The following NRF1 variants were observed in gnomAD, a reference collection of about 807,000 sequenced individuals.
The protein encoded by NRF1 is nuclear respiratory factor 1.
In NRF1, 5 loss-of-function variants were observed where a neutral mutation model predicts 58.5. The ratio of observed to expected loss-of-function variants is 0.09; its 90% CI spans 0.04 to 0.18. The LOEUF (loss-of-function observed/expected upper bound fraction) is 0.18, where lower values mean the gene tolerates loss of function less well. Ranked by LOEUF, NRF1 falls within the 10% of genes least tolerant of loss-of-function variation. The pLI is 1.00. For synonymous variants in NRF1, 224 were observed against 246.7 expected (o/e 0.91, Z 0.86); for missense variants, 288 against 657.7 (o/e 0.44, Z 6.15).
intron 1 of NRF1, among the ~76,000 whole-genome samples, chr7:129,655,562 C>A (rs1158463764): frequency 6.6e-6 from 1 of 151,644 alleles, no homozygotes; most frequent in Non-Finnish European, 1.5e-5. Context: ...TGCTGTGTCA[C>A]CCAGGCTGGA....
At chr7:129,746,240 C>T (rs1209043172) in intron 10 of NRF1, among the ~76,000 whole-genome samples, 1 of 152,252 alleles carries the variant, frequency 6.6e-6, no homozygotes, top group Non-Finnish European at 1.5e-5. Context: ...AACAGAACCA[C>T]TGGGAAAGAA....
chr7:129,754,213 C>G (rs1804191645), intron 10 of NRF1, among the ~76,000 whole-genome samples: 1 of 151,796 alleles, frequency 6.6e-6, no homozygotes, highest in East Asian at 1.9e-4. Flanking sequence ...GTAATCCCAG[C>G]TATTCAGGAG....
In NRF1 at chr7:129,648,313, T is replaced by C. The variant is rs1310025029; in HGVS notation, c.-6-9033T>C. On this transcript the variant is annotated intron_variant, in intron 1 of 10. Coordinates refer to ENST00000393232, the MANE Select transcript of NRF1 (RefSeq NM_005011.5). ...TTTTTTTTTTGAGAAGGAGTCTCGC[T>C]CTGTCGCCCAGGCTGGAGTGCAGTG... 1.3e-4 allele frequency among the ~76,000 whole-genome samples: 19 copies of C among 142,448 alleles called. 1 individual carries two copies. In the Admixed American group the frequency reaches 1.4e-3, roughly 11 times the overall value. 93.5% of individuals were successfully genotyped at this position (142,448 alleles called of 152,430 possible). A position where few individuals can be genotyped will look rare whatever the true frequency, so the allele number is the denominator to read the frequency against.
chr7:129,622,673 G>A (rs529132609), intron 1 of NRF1, among the ~76,000 whole-genome samples: 4 of 151,190 alleles, frequency 2.6e-5, no homozygotes, highest in African/African-American at 4.9e-5. Flanking sequence ...AGGTTCAAGC[G>A]ATTCTGCCAC....
chr7:129,641,092 T>C (rs1430497122), intron 1 of NRF1, among the ~76,000 whole-genome samples: 2 of 152,214 alleles, frequency 1.3e-5, no homozygotes, highest in Non-Finnish European at 2.9e-5. Flanking sequence ...GAGACAGCCT[T>C]TAAAAACTTT....
intron 5 of NRF1, among the ~76,000 whole-genome samples, chr7:129,702,227 G>A (rs1157378143): frequency 6.6e-6 from 1 of 152,124 alleles, no homozygotes; most frequent in East Asian, 1.9e-4. Context: ...CTCCTTCAAA[G>A]AGAAGGTAGG....
At chr7:129,677,135 C>G (rs1299244338) in intron 3 of NRF1, among the ~76,000 whole-genome samples, 1 of 151,552 alleles carries the variant, frequency 6.6e-6, no homozygotes, top group African/African-American at 2.4e-5. Context: ...CTCAGCCTCC[C>G]AAGAATCTAG....
intron 10 of NRF1, chr7:129,735,014 C>G (rs537414331): frequency 1.0e-6 from 1 of 976,432 alleles, no homozygotes. Flanking sequence ...TTGCCTGGAG[C>G]GAGTTTATTG....
chr7:129,613,692 A>T (rs1161925554), intron 1 of NRF1, among the ~76,000 whole-genome samples: 1 of 150,274 alleles, frequency 6.7e-6, no homozygotes, highest in Non-Finnish European at 1.5e-5. Context: ...TGAGGTCAGG[A>T]GTTCGAGACC....
chr7:129,727,211 TC>T (rs1293329408), intron 9 of NRF1, 29 bp from the exon 10 acceptor site: 1 of 1,555,370 alleles, frequency 6.4e-7, no homozygotes. Context: ...CCTCTATTCA[TC>T]ATCCTCTCTC....
At chr7:129,658,558 T>A (rs1301615571) in intron 2 of NRF1, among the ~76,000 whole-genome samples, 2 of 145,290 alleles carry the variant, frequency 1.4e-5, no homozygotes, top group African/African-American at 5.2e-5. Flanking sequence ...ACCACTGCAC[T>A]ACAGCGTGAG....
chr7:129,702,329 A>G (rs1245750687), intron 5 of NRF1, among the ~76,000 whole-genome samples: 1 of 152,186 alleles, frequency 6.6e-6, no homozygotes, highest in Non-Finnish European at 1.5e-5. Flanking sequence ...TTGAGAGAGG[A>G]GTCTAAATGA....
intron 2 of NRF1, among the ~76,000 whole-genome samples, chr7:129,659,670 A>G (rs1404454687): frequency 6.6e-6 from 1 of 152,072 alleles, no homozygotes. Flanking sequence ...GAATTCAGCT[A>G]TTTCATTCTA....
chr7:129,657,645 T>A lies in NRF1; in HGVS notation c.223+71T>A. The A allele has an allele frequency of 3.0e-6, 3 of 1,008,804 alleles. No homozygotes were observed. In the South Asian group the frequency reaches 4.9e-5, roughly 16 times the overall value. 62.5% of individuals were successfully genotyped at this position (1,008,804 alleles called of 1,614,324 possible). A position where few individuals can be genotyped will look rare whatever the true frequency, so the allele number is the denominator to read the frequency against. On this transcript the variant is annotated intron_variant, in intron 2 of 10. Coordinates refer to ENST00000393232, the MANE Select transcript of NRF1 (RefSeq NM_005011.5). ...TTTTTTTGGAGACAGCGTCTCACTC[T>A]GTTGCTCAGGCTGGGGTGCAGCAGC...
At chr7:129,744,730 G>A (rs1333036013) in intron 10 of NRF1, among the ~76,000 whole-genome samples, 1 of 152,104 alleles carries the variant, frequency 6.6e-6, no homozygotes, top group Non-Finnish European at 1.5e-5. Flanking sequence ...GCTTTTTTCA[G>A]GTGTCTCACT....
At chr7:129,683,955 T>G (rs1473824177) in intron 4 of NRF1, among the ~76,000 whole-genome samples, 7 of 152,268 alleles carry the variant, frequency 4.6e-5, no homozygotes, top group African/African-American at 1.7e-4. Flanking sequence ...AAGAAAATCT[T>G]AATTTACAGG....
At chr7:129,643,589 C>A (rs977261313) in intron 1 of NRF1, among the ~76,000 whole-genome samples, 6 of 152,220 alleles carry the variant, frequency 3.9e-5, no homozygotes, top group Non-Finnish European at 4.4e-5. Context: ...TTCCTATTCA[C>A]CATCTTTCTA....
At chr7:129,617,770 G>A (rs1800687274) in intron 1 of NRF1, among the ~76,000 whole-genome samples, 2 of 152,170 alleles carry the variant, frequency 1.3e-5, no homozygotes, top group Admixed American at 6.5e-5. Context: ...AGTGAGGTTA[G>A]GGAAGACTTT....
At chr7:129,640,949 G>T (rs1224100537) in intron 1 of NRF1, among the ~76,000 whole-genome samples, 1 of 152,208 alleles carries the variant, frequency 6.6e-6, no homozygotes, top group East Asian at 1.9e-4. Flanking sequence ...AACAGTTCCA[G>T]ATTTTTCAGC....
Sources: allele counts gnomAD v4.1 joint callset (sites outside exome capture counted in the v4.1 genomes callset), GRCh38; gene constraint gnomAD v4.1.1; transcripts MANE v1.5; gene names NCBI Gene and HGNC (gene_info 2026-07-23, HGNC 2026-07-21).